The following TENM2 variants were observed in gnomAD, a reference collection of about 807,000 sequenced individuals.
TENM2 encodes the protein teneurin-2.
Under a neutral mutation model 245.2 loss-of-function variants are expected in TENM2, and 52 were observed. The ratio of observed to expected loss-of-function variants is 0.21; its 90% confidence interval spans 0.17 to 0.27. The LOEUF (loss-of-function observed/expected upper bound fraction) is 0.27, where lower values mean the gene tolerates loss of function less well. TENM2 is among the 10% of genes least tolerant of loss of function. TENM2 has a pLI of 1.00. For synonymous variants in TENM2, 1,363 were observed against 1,438.9 expected (o/e 0.95, Z 1.19); for missense variants, 3,046 against 3,666.8 (o/e 0.83, Z 4.37).
At chr5:168,155,520 G>A (rs1757079965) in intron 12 of TENM2, among the ~76,000 whole-genome samples, 1 of 152,090 alleles carries the variant, frequency 6.6e-6, no homozygotes, top group African/African-American at 2.4e-5. Flanking sequence ...CTTAGCTCCA[G>A]TGGGTTTTCT....
At chr5:167,211,344 G>A in the TENM2 span, among the ~76,000 whole-genome samples, 6 of 152,264 alleles carry the variant, frequency 3.9e-5, no homozygotes, top group East Asian at 9.7e-4. Context: ...AACTAACTCT[G>A]AGGATAAGAT....
intron 2 of TENM2, among the ~76,000 whole-genome samples, chr5:167,872,492 GAA>G (rs751308432): frequency 0.22 from 5,719 of 26,350 alleles, 217 homozygotes; most frequent in Non-Finnish European, 0.34. Context: ...GAAAAAGAAA[GAA>G]AGAAAGAAAG....
At chr5:168,155,403 AG>A (rs5873092) in intron 12 of TENM2, among the ~76,000 whole-genome samples, 47,052 of 145,620 alleles carry the variant, frequency 0.32, 7,877 homozygotes, top group African/African-American at 0.35. Context: ...AGTTGGTGAA[AG>A]GGGGGGGGGG....
chr5:167,331,160 C>T (rs146526454), intron 1 of TENM2, among the ~76,000 whole-genome samples: 225 of 140,164 alleles, frequency 1.6e-3, no homozygotes, highest in African/African-American at 5.3e-3. Flanking sequence ...CACTTGAACA[C>T]GGGAGGCAGA....
chr5:167,819,734 TG>T (rs1767353873), intron 2 of TENM2, among the ~76,000 whole-genome samples: 2 of 152,148 alleles, frequency 1.3e-5, no homozygotes, highest in African/African-American at 4.8e-5. Context: ...AGAAGGGAAA[TG>T]GCGGACTGCA....
At chr5:167,088,229 T>C in the TENM2 span, among the ~76,000 whole-genome samples, 1 of 152,168 alleles carries the variant, frequency 6.6e-6, no homozygotes, top group Non-Finnish European at 1.5e-5. Flanking sequence ...GTGAAAATAG[T>C]CCTGTATTTG....
At chr5:167,289,308 A>G (rs1754504909) in intron 1 of TENM2, among the ~76,000 whole-genome samples, 2 of 152,214 alleles carry the variant, frequency 1.3e-5, no homozygotes, top group South Asian at 4.1e-4. Context: ...TTTCTGTGCT[A>G]ACCAAGACCC....
At chr5:167,680,636 A>AG (rs996823282) in intron 2 of TENM2, among the ~76,000 whole-genome samples, 12 of 152,192 alleles carry the variant, frequency 7.9e-5, no homozygotes, top group Admixed American at 7.2e-4. Flanking sequence ...TAGATGCTGT[A>AG]AACCAGATGA....
chr5:167,105,180 A>G, the TENM2 span, among the ~76,000 whole-genome samples: 2 of 152,204 alleles, frequency 1.3e-5, no homozygotes, highest in South Asian at 4.1e-4. Context: ...TAGCATACTG[A>G]TGTAGTTTAA....
At chr5:167,475,105 G>T (rs7378751) in intron 2 of TENM2, among the ~76,000 whole-genome samples, 104,131 of 152,048 alleles carry the variant, frequency 0.68, 36,276 homozygotes, top group Non-Finnish European at 0.75. Flanking sequence ...TTTTCTAAGG[G>T]ATATTTCCTT....
chr5:167,043,245 G>C, the TENM2 span, among the ~76,000 whole-genome samples: 1 of 152,208 alleles, frequency 6.6e-6, no homozygotes, highest in African/African-American at 2.4e-5. Context: ...GTAACAAAAT[G>C]ATTGAAAAGA....
At chr5:167,033,655 T>A in the TENM2 span, among the ~76,000 whole-genome samples, 1 of 152,208 alleles carries the variant, frequency 6.6e-6, no homozygotes, top group African/African-American at 2.4e-5. Context: ...ATCTTTTATA[T>A]GAAAATATAT....
At chr5:167,524,491 A>G (rs890470438) in intron 2 of TENM2, among the ~76,000 whole-genome samples, 3 of 152,044 alleles carry the variant, frequency 2.0e-5, no homozygotes, top group Non-Finnish European at 2.9e-5. Context: ...TCCTTTCTCT[A>G]TGGCAGCGTT....
the TENM2 span, among the ~76,000 whole-genome samples, chr5:167,175,255 C>G: frequency 6.6e-6 from 1 of 152,146 alleles, no homozygotes; most frequent in African/African-American, 2.4e-5. Flanking sequence ...CTGTATTTCT[C>G]AGATCCAAAA....
In TENM2 at chr5:168,261,950, G is replaced by A. The variant is rs370068136; in HGVS notation, c.7564-99G>A. On this transcript the variant is annotated intron_variant, in intron 28 of 28. Transcript: ENST00000518659. The stretch of plus-strand genomic sequence containing the variant: ...TCAGATCTGGATAGACCCAACACTA[G>A]TTCTTGCAGGAGAGTTCCAAGCCTT... 458 of 1,213,362 alleles carry A rather than the reference G, an allele frequency of 3.8e-4. 8 individuals are homozygous for A. The South Asian group carries it at 4.7e-3, about 12-fold the overall frequency. The allele number at this position is 1,213,362 out of a possible 1,614,324, so 75.2% of individuals were successfully genotyped here.
chr5:167,496,023 C>T (rs1033009558), intron 2 of TENM2, among the ~76,000 whole-genome samples: 2 of 151,902 alleles, frequency 1.3e-5, no homozygotes, highest in Non-Finnish European at 1.5e-5. Flanking sequence ...ATTCCTAGTG[C>T]AAGCAAAGGA....
intron 2 of TENM2, among the ~76,000 whole-genome samples, chr5:167,685,483 C>T (rs1460345251): frequency 6.6e-6 from 1 of 152,072 alleles, no homozygotes; most frequent in East Asian, 1.9e-4. Context: ...AAAGAATCCC[C>T]GATGTGATCT....
intron 2 of TENM2, among the ~76,000 whole-genome samples, chr5:167,628,571 C>A (rs1266123860): frequency 1.3e-5 from 2 of 152,168 alleles, no homozygotes; most frequent in Non-Finnish European, 2.9e-5. Flanking sequence ...CCTGTCATAG[C>A]CACTGATTCC....
At chr5:167,828,954 T>G (rs1277504684) in intron 2 of TENM2, among the ~76,000 whole-genome samples, 1 of 152,232 alleles carries the variant, frequency 6.6e-6, no homozygotes, top group Admixed American at 6.5e-5. Flanking sequence ...ACATTGTTTC[T>G]GCCCATCTGC....
Sources: allele counts gnomAD v4.1 joint callset (sites outside exome capture counted in the v4.1 genomes callset), GRCh38; gene constraint gnomAD v4.1.1; transcripts MANE v1.5; gene names NCBI Gene and HGNC (gene_info 2026-07-23, HGNC 2026-07-21).